The following PCDH9 variants were observed in gnomAD, a reference collection of about 807,000 sequenced individuals.
The protein encoded by PCDH9 is protocadherin 9, also known as protocadherin-9.
A neutral mutation model predicts 70.6 loss-of-function variants in PCDH9; 24 were observed. That is an observed-to-expected ratio of 0.34 (90% CI 0.25 to 0.48). The LOEUF (loss-of-function observed/expected upper bound fraction) is 0.48, where lower values mean the gene tolerates loss of function less well. PCDH9 is among the 20% of genes least tolerant of loss of function. PCDH9 has a pLI of 0.99. For synonymous variants in PCDH9, 562 were observed against 558.5 expected, an observed-to-expected ratio of 1.01 and a Z score of -0.09; for missense variants, 1,281 against 1,503.6, an observed-to-expected ratio of 0.85 and a Z score of 2.45.
At chr13:66,424,295 T>C (rs1957626601) in intron 4 of PCDH9, among the ~76,000 whole-genome samples, 1 of 151,978 alleles carries the variant, frequency 6.6e-6, no homozygotes, top group Non-Finnish European at 1.5e-5. Context: ...CAAGCTACCA[T>C]TGACTTTCTT....
chr13:66,881,364 A>G (rs752457104), intron 3 of PCDH9, among the ~76,000 whole-genome samples: 2 of 152,208 alleles, frequency 1.3e-5, no homozygotes, highest in Non-Finnish European at 2.9e-5. Context: ...CACATCTTAC[A>G]TGGATGGCGG....
intron 2 of PCDH9, among the ~76,000 whole-genome samples, chr13:67,163,735 T>C (rs1197433468): frequency 6.6e-6 from 1 of 152,224 alleles, no homozygotes; most frequent in Non-Finnish European, 1.5e-5. Flanking sequence ...TTGTAACTTA[T>C]ATTGAGGCTT....
intron 4 of PCDH9, among the ~76,000 whole-genome samples, chr13:66,529,002 G>A (rs1437295476): frequency 2.6e-5 from 4 of 152,042 alleles, no homozygotes; most frequent in African/African-American, 9.7e-5. Flanking sequence ...CTCTAGCAAA[G>A]TCTTATGGAG....
intron 2 of PCDH9, among the ~76,000 whole-genome samples, chr13:67,050,616 A>C (rs959833656): frequency 2.0e-5 from 3 of 152,214 alleles, no homozygotes; most frequent in African/African-American, 7.2e-5. Flanking sequence ...AGCACTTCTA[A>C]AATATGTTGT....
intron 3 of PCDH9, among the ~76,000 whole-genome samples, chr13:66,850,521 G>GAA (rs36074964): frequency 1.4e-3 from 199 of 142,024 alleles, no homozygotes; most frequent in South Asian, 1.7e-3. Context: ...CAAAAAAACA[G>GAA]AAAAAAAAAA....
At chr13:66,310,495 T>C (rs1485796454) in intron 4 of PCDH9, among the ~76,000 whole-genome samples, 3 of 152,064 alleles carry the variant, frequency 2.0e-5, no homozygotes, top group Non-Finnish European at 4.4e-5. Flanking sequence ...TGTTACTTCA[T>C]TGATTAATTC....
chr13:66,359,415 T>A (rs1956433057), intron 4 of PCDH9, among the ~76,000 whole-genome samples: 1 of 151,962 alleles, frequency 6.6e-6, no homozygotes, highest in African/African-American at 2.4e-5. Context: ...TGGGTGCCGG[T>A]TGTTTTTTCC....
chr13:66,604,624 C>T (rs903291883), intron 4 of PCDH9, among the ~76,000 whole-genome samples: 2 of 151,896 alleles, frequency 1.3e-5, no homozygotes, highest in African/African-American at 4.8e-5. Context: ...GAGGTGATTA[C>T]CAAAACTGTT....
chr13:67,045,567 A>C (rs188695918), intron 2 of PCDH9, among the ~76,000 whole-genome samples: 5 of 152,170 alleles, frequency 3.3e-5, no homozygotes, highest in Admixed American at 1.3e-4. Flanking sequence ...AACAAACAAA[A>C]AAAAAACAGA....
intron 2 of PCDH9, among the ~76,000 whole-genome samples, chr13:66,915,968 A>C (rs533764687): frequency 6.6e-6 from 1 of 151,638 alleles, no homozygotes; most frequent in South Asian, 2.1e-4. Context: ...CCTTTGGGTG[A>C]CTTCAATATC....
intron 3 of PCDH9, among the ~76,000 whole-genome samples, chr13:66,681,594 G>T (rs2078320511): frequency 6.6e-6 from 1 of 152,024 alleles, no homozygotes; most frequent in South Asian, 2.1e-4. Flanking sequence ...GATCCCATTT[G>T]TTTATTTGAA....
chr13:66,655,231 G>A (rs1220422439), intron 3 of PCDH9, among the ~76,000 whole-genome samples: 1 of 152,096 alleles, frequency 6.6e-6, no homozygotes, highest in African/African-American at 2.4e-5. Flanking sequence ...AAGAGTGAGT[G>A]AGTACTGTGT....
chr13:67,197,570 T>C (rs911150179), intron 2 of PCDH9, among the ~76,000 whole-genome samples: 8 of 151,966 alleles, frequency 5.3e-5, no homozygotes, highest in African/African-American at 1.9e-4. Context: ...GTGGGAACTT[T>C]GATCTGCAAT....
intron 2 of PCDH9, among the ~76,000 whole-genome samples, chr13:67,113,413 C>A (rs2086694634): frequency 6.6e-6 from 1 of 152,176 alleles, no homozygotes. Context: ...ACATCAACCA[C>A]AACATTGTCA....
At chr13:66,575,841 T>TC (rs139683476) in intron 4 of PCDH9, among the ~76,000 whole-genome samples, 5,010 of 152,184 alleles carry the variant, frequency 0.033, 263 homozygotes, top group African/African-American at 0.11. Flanking sequence ...CTATGTTATT[T>TC]TTTACCAGAC....
chr13:67,048,518 C>A (rs1283258572), intron 2 of PCDH9, among the ~76,000 whole-genome samples: 2 of 152,238 alleles, frequency 1.3e-5, no homozygotes, highest in Non-Finnish European at 1.5e-5. Context: ...TAACTCCGGG[C>A]ATTTCCTCCC....
At chr13:66,643,258 G>GC (rs2077731388) in intron 3 of PCDH9, among the ~76,000 whole-genome samples, 2 of 151,996 alleles carry the variant, frequency 1.3e-5, no homozygotes, top group Admixed American at 1.3e-4. Flanking sequence ...ACTCTACTCA[G>GC]CTAGAATCAG....
intron 3 of PCDH9, among the ~76,000 whole-genome samples, chr13:66,680,559 G>A (rs2078304969): frequency 1.3e-5 from 2 of 151,296 alleles, no homozygotes; most frequent in African/African-American, 2.4e-5. Flanking sequence ...AGTGTTTTTT[G>A]ACAAGCTAAC....
At chr13:66,315,122 A>G (rs981977434) in intron 4 of PCDH9, among the ~76,000 whole-genome samples, 1 of 152,184 alleles carries the variant, frequency 6.6e-6, no homozygotes, top group Non-Finnish European at 1.5e-5. Flanking sequence ...AGTTGAGGGC[A>G]GCCCCCCACT....
Sources: gnomAD v4.1 joint callset for allele counts (sites outside exome capture counted in the v4.1 genomes callset) on GRCh38, gnomAD v4.1.1 for gene constraint, MANE v1.5 for transcripts, NCBI Gene and HGNC (gene_info 2026-07-23, HGNC 2026-07-21) for gene names.